The following ADAMTS6 variants were observed in gnomAD, a reference collection of about 807,000 sequenced individuals.
ADAMTS6 encodes ADAM metallopeptidase with thrombospondin type 1 motif 6.
ADAMTS6 carries 23 observed loss-of-function variants against 144.3 expected under a neutral mutation model. The observed-to-expected ratio is 0.16, with a 90% CI of 0.11 to 0.23. The LOEUF is 0.23. ADAMTS6 is among the 10% of genes least tolerant of loss of function. The pLI is 1.00. For synonymous variants in ADAMTS6, 444 were observed against 457.5 expected (o/e 0.97, Z 0.38); for missense variants, 999 against 1,379.6 (o/e 0.72, Z 4.37).
chr5:65,316,250 T>C (rs1055568999), intron 9 of ADAMTS6, among the ~76,000 whole-genome samples: 6 of 152,144 alleles, frequency 3.9e-5, no homozygotes, highest in Non-Finnish European at 5.9e-5. Context: ...CAGTAATTGA[T>C]AGATCAATCT....
At chr5:65,209,542 T>C (rs1756351360) in intron 20 of ADAMTS6, among the ~76,000 whole-genome samples, 1 of 152,206 alleles carries the variant, frequency 6.6e-6, no homozygotes, top group South Asian at 2.1e-4. Context: ...GAATCACCAA[T>C]GTTTCCTGTA....
intron 18 of ADAMTS6, among the ~76,000 whole-genome samples, chr5:65,216,930 T>C (rs147487767): frequency 4.4e-4 from 67 of 152,220 alleles, no homozygotes; most frequent in African/African-American, 1.5e-3. Context: ...GCTAGCTGAC[T>C]GCAAAAACTT....
In ADAMTS6 at chr5:65,149,642, T is replaced by C. The variant is rs1192729854; in HGVS notation, c.*2194A>G. 1 of 152,606 alleles carries C rather than the reference T, an allele frequency of 6.6e-6. No homozygotes were observed. Among genetic ancestry groups the C allele is most frequent in the Admixed American group, 6.5e-5 (1 of 15,276 alleles). The allele number at this position is 152,606 out of a possible 1,614,324, so 9.5% of individuals were successfully genotyped here. A position where few individuals can be genotyped will look rare whatever the true frequency, so the allele number is the denominator to read the frequency against. ...TCGGTAATAAGAAATCTTTTTGAAA[T>C]AAGAACATGAGCTGATATTTATGTT... On this transcript the variant is annotated 3_prime_UTR_variant, in exon 25 of 25. Transcript: ENST00000381055.
intron 7 of ADAMTS6, among the ~76,000 whole-genome samples, chr5:65,423,406 G>A (rs1386076125): frequency 6.6e-6 from 1 of 152,124 alleles, no homozygotes; most frequent in Non-Finnish European, 1.5e-5. Flanking sequence ...ATAAAGTTCA[G>A]CTTAGGTTCC....
chr5:65,194,049 T>C (rs1028272297), intron 21 of ADAMTS6, among the ~76,000 whole-genome samples: 2 of 152,204 alleles, frequency 1.3e-5, no homozygotes, highest in African/African-American at 4.8e-5. Context: ...TCCTTCTTTT[T>C]GCTTATCTGC....
chr5:65,278,937 T>C (rs1762770506), intron 11 of ADAMTS6, among the ~76,000 whole-genome samples: 1 of 140,278 alleles, frequency 7.1e-6, no homozygotes, highest in Non-Finnish European at 1.5e-5. Flanking sequence ...GTTTCTTCTT[T>C]ACAGTCTTTT....
intron 12 of ADAMTS6, among the ~76,000 whole-genome samples, chr5:65,269,400 A>C (rs1417875130): frequency 6.6e-6 from 1 of 152,246 alleles, no homozygotes; most frequent in South Asian, 2.1e-4. Context: ...TCCTAAAAGG[A>C]AACACTGTTT....
intron 7 of ADAMTS6, among the ~76,000 whole-genome samples, chr5:65,352,982 C>T (rs997738338): frequency 2.0e-5 from 3 of 151,988 alleles, no homozygotes; most frequent in Admixed American, 6.6e-5. Context: ...AGCACAATGG[C>T]CTACATTCTT....
At chr5:65,308,322 A>G (rs1744138357) in intron 9 of ADAMTS6, among the ~76,000 whole-genome samples, 1 of 152,212 alleles carries the variant, frequency 6.6e-6, no homozygotes, top group South Asian at 2.1e-4. Flanking sequence ...TCAAGGCCAA[A>G]GAAATAGAGA....
chr5:65,373,881 C>T (rs1433802413), intron 7 of ADAMTS6, among the ~76,000 whole-genome samples: 4 of 152,102 alleles, frequency 2.6e-5, no homozygotes, highest in Admixed American at 2.6e-4. Context: ...CAAACCGAAT[C>T]CAGCAGCACA....
chr5:65,228,986 G>A (rs183070639), intron 15 of ADAMTS6, among the ~76,000 whole-genome samples: 132 of 152,288 alleles, frequency 8.7e-4, no homozygotes, highest in Non-Finnish European at 1.2e-3. Flanking sequence ...GTCAACAGTT[G>A]CCTCAAAAAC....
chr5:65,195,480 C>T (rs1755281882), intron 21 of ADAMTS6, among the ~76,000 whole-genome samples: 2 of 152,188 alleles, frequency 1.3e-5, no homozygotes, highest in African/African-American at 4.8e-5. Flanking sequence ...TACCCTACAC[C>T]TCTTCAAGGG....
intron 24 of ADAMTS6, among the ~76,000 whole-genome samples, chr5:65,166,095 TA>T (rs1561239069): frequency 7.0e-6 from 1 of 142,342 alleles, no homozygotes; most frequent in Non-Finnish European, 1.5e-5. Flanking sequence ...GCAAGTTGGA[TA>T]AAGAGTCAAG....
intron 7 of ADAMTS6, among the ~76,000 whole-genome samples, chr5:65,340,112 A>G (rs1282001894): frequency 2.6e-5 from 4 of 152,156 alleles, no homozygotes; most frequent in African/African-American, 9.7e-5. Flanking sequence ...AAGAATTTTA[A>G]AAGCAATGAG....
intron 3 of ADAMTS6, among the ~76,000 whole-genome samples, chr5:65,464,306 T>C (rs1405801738): frequency 6.6e-6 from 1 of 152,220 alleles, no homozygotes; most frequent in Non-Finnish European, 1.5e-5. Context: ...TATCAAAATA[T>C]TTTTAAAATA....
intron 1 of ADAMTS6, among the ~76,000 whole-genome samples, chr5:65,477,800 AACTT>A: frequency 6.6e-6 from 1 of 151,520 alleles, no homozygotes; most frequent in Non-Finnish European, 1.5e-5. Context: ...TCAGTGAAGA[AACTT>A]AACATTAAGT....
chr5:65,213,702 C>T (rs1756691099), intron 20 of ADAMTS6, among the ~76,000 whole-genome samples: 1 of 151,682 alleles, frequency 6.6e-6, no homozygotes, highest in Non-Finnish European at 1.5e-5. Context: ...TTAATTATTT[C>T]TCTAAAAATA....
At chr5:65,442,042 C>A in intron 7 of ADAMTS6, among the ~76,000 whole-genome samples, 1 of 148,964 alleles carries the variant, frequency 6.7e-6, no homozygotes, top group African/African-American at 2.5e-5. Context: ...CAAAATAAGC[C>A]TGAACCAAGT....
intron 7 of ADAMTS6, among the ~76,000 whole-genome samples, chr5:65,410,846 ACTTC>A (rs1414807469): frequency 1.3e-5 from 2 of 152,076 alleles, no homozygotes; most frequent in Non-Finnish European, 2.9e-5. Context: ...AAATGACAGG[ACTTC>A]CTTTTCTTTT....
Sources: gnomAD v4.1 joint callset for allele counts (sites outside exome capture counted in the v4.1 genomes callset) on GRCh38, gnomAD v4.1.1 for gene constraint, MANE v1.5 for transcripts, NCBI Gene and HGNC (gene_info 2026-07-23, HGNC 2026-07-21) for gene names.